The following CEP112 variants were observed in gnomAD, a reference collection of about 807,000 sequenced individuals.
CEP112 encodes the protein centrosomal protein 112.
A neutral mutation model predicts 153.0 loss-of-function variants in CEP112; 127 were observed. The ratio of observed to expected loss-of-function variants is 0.83; its 90% CI spans 0.72 to 0.96. The LOEUF (loss-of-function observed/expected upper bound fraction) is 0.96, where lower values mean the gene tolerates loss of function less well. Among genes scored for constraint, CEP112 ranks in the 40% least tolerant of loss-of-function variants. CEP112 has a pLI of 0.00. For missense variants in CEP112, 1,089 were observed against 1,101.2 expected (o/e 0.99, Z 0.16); for synonymous variants, 358 against 374.4 (o/e 0.96, Z 0.51).
chr17:66,039,503 G>A (rs1323467382), intron 12 of CEP112, among the ~76,000 whole-genome samples: 2 of 152,086 alleles, frequency 1.3e-5, no homozygotes, highest in Non-Finnish European at 2.9e-5. Context: ...ATTTTCATAA[G>A]AAGTTTGTGT....
chr17:65,637,749 G>C (rs970546950), intron 25 of CEP112, among the ~76,000 whole-genome samples: 7 of 152,164 alleles, frequency 4.6e-5, no homozygotes, highest in Admixed American at 1.3e-4. Context: ...CCCTAAACCT[G>C]AGAGCTTCTC....
chr17:65,987,667 C>T (rs183528968), intron 17 of CEP112, among the ~76,000 whole-genome samples: 52 of 133,492 alleles, frequency 3.9e-4, no homozygotes, highest in East Asian at 3.7e-3. Context: ...AGATTATCAC[C>T]AGCAATATCA....
chr17:66,011,632 C>T (rs1236395216), intron 16 of CEP112, among the ~76,000 whole-genome samples: 2 of 151,672 alleles, frequency 1.3e-5, no homozygotes, highest in African/African-American at 2.4e-5. Context: ...GTTTTGTGTC[C>T]AATTGTGTGC....
intron 20 of CEP112, among the ~76,000 whole-genome samples, chr17:65,890,231 G>A (rs2059416524): frequency 6.6e-6 from 1 of 152,152 alleles, no homozygotes; most frequent in Non-Finnish European, 1.5e-5. Context: ...GTGGAGGAAT[G>A]GTAGAGGCAT....
chr17:66,011,077 C>T (rs916229155), intron 16 of CEP112, among the ~76,000 whole-genome samples: 10 of 151,984 alleles, frequency 6.6e-5, no homozygotes, highest in Admixed American at 1.3e-4. Context: ...GGCTGTGGAT[C>T]CCTCTGGTCC....
intron 21 of CEP112, among the ~76,000 whole-genome samples, chr17:65,832,226 T>G (rs1341569860): frequency 6.6e-6 from 1 of 151,904 alleles, no homozygotes; most frequent in African/African-American, 2.4e-5. Flanking sequence ...GCACTAAATA[T>G]CCACATCAAA....
At chr17:65,690,113 C>CAAAAAAAAAAAAAAA (rs67399289) in intron 23 of CEP112, among the ~76,000 whole-genome samples, 2 of 62,578 alleles carry the variant, frequency 3.2e-5, no homozygotes, top group Non-Finnish European at 5.9e-5. Flanking sequence ...GAAAACAGAC[C>CAAAAAAAAAAAAAAA]AAAAAAAAAA....
intron 21 of CEP112, among the ~76,000 whole-genome samples, chr17:65,818,496 G>T (rs977703217): frequency 6.6e-6 from 1 of 151,790 alleles, no homozygotes; most frequent in Non-Finnish European, 1.5e-5. Context: ...TCCAGTGAAT[G>T]ATCATCAGAA....
intron 6 of CEP112, among the ~76,000 whole-genome samples, chr17:66,114,482 C>T (rs2069194585): frequency 6.6e-6 from 1 of 152,084 alleles, no homozygotes; most frequent in South Asian, 2.1e-4. Context: ...CATTGTCAAG[C>T]AATATATTAC....
intron 24 of CEP112, among the ~76,000 whole-genome samples, chr17:65,650,800 A>G (rs976835384): frequency 6.6e-6 from 1 of 151,020 alleles, no homozygotes; most frequent in African/African-American, 2.4e-5. Context: ...CCAGCTACTC[A>G]GGGAGGCTGA....
chr17:65,740,722 T>A (rs1236274660), intron 23 of CEP112, among the ~76,000 whole-genome samples: 1 of 152,172 alleles, frequency 6.6e-6, no homozygotes, highest in Non-Finnish European at 1.5e-5. Context: ...ATGGCATTAT[T>A]GAATATATCT....
chr17:66,158,472 C>T lies in CEP112; in HGVS notation c.470+16572G>A, dbSNP rs149463428. ...CTAAAAATACAAAAAATGAGCCGGG[C>T]GTGGTGGTGGGCGCCTGTAGTCCCA... On this transcript the variant is annotated intron_variant, in intron 4 of 26. Coordinates refer to ENST00000535342, the MANE Select transcript of CEP112 (RefSeq NM_001199165.4). Among the ~76,000 whole-genome samples the T allele has an allele frequency of 9.5e-3, 1,442 of 151,976 alleles. 24 individuals carry two copies. Among genetic ancestry groups the T allele is most frequent in the African/African-American group, 0.032 (1,342 of 41,444 alleles).
intron 8 of CEP112, among the ~76,000 whole-genome samples, chr17:66,092,717 C>T (rs2068189853): frequency 6.6e-6 from 1 of 152,126 alleles, no homozygotes; most frequent in South Asian, 2.1e-4. Context: ...GATACTTTAA[C>T]ATATGCAAAT....
intron 21 of CEP112, among the ~76,000 whole-genome samples, chr17:65,786,572 C>CTTTTT (rs1195368604): frequency 1.2e-4 from 12 of 101,594 alleles, no homozygotes; most frequent in African/African-American, 1.5e-4. Context: ...TTAGCCAATT[C>CTTTTT]TTTTTTTTTT....
Position 66,102,535 on chromosome 17 carries a change from C to T in CEP112, c.643-5903G>A, listed in dbSNP as rs180722696. 9.8e-4 allele frequency among the ~76,000 whole-genome samples: 149 copies of T among 152,160 alleles called. 1 individual carries two copies. The highest frequency in any genetic ancestry group is 1.8e-4 in the Non-Finnish European group (12 of 68,010). On this transcript the variant is annotated intron_variant, in intron 6 of 26. Coordinates refer to ENST00000535342, the MANE Select transcript of CEP112 (RefSeq NM_001199165.4). ...AATTCAGGCCAGGCATGGTGGCTCACGCCTGTAATCCCAGAACTTTGGGAG... is the reference window on the plus strand; with the variant it reads ...AATTCAGGCCAGGCATGGTGGCTCATGCCTGTAATCCCAGAACTTTGGGAG...
At chr17:65,818,279 T>C (rs2056371742) in intron 21 of CEP112, among the ~76,000 whole-genome samples, 2 of 151,866 alleles carry the variant, frequency 1.3e-5, no homozygotes, top group Non-Finnish European at 2.9e-5. Context: ...TTTACCTAAC[T>C]ACCATGAAAA....
At chr17:65,988,857 T>A (rs2063492551) in intron 17 of CEP112, among the ~76,000 whole-genome samples, 1 of 152,066 alleles carries the variant, frequency 6.6e-6, no homozygotes, top group African/African-American at 2.4e-5. Flanking sequence ...AGAAAGCTTA[T>A]TCACAGAAAT....
intron 24 of CEP112, among the ~76,000 whole-genome samples, chr17:65,680,126 C>T (rs542313054): frequency 4.6e-5 from 7 of 152,184 alleles, no homozygotes; most frequent in South Asian, 4.2e-4. Flanking sequence ...GTGGGTGCCA[C>T]GGGCAGGGCA....
chr17:66,067,185 A>T lies in CEP112; in HGVS notation c.856-308T>A, dbSNP rs554783869. Among the ~76,000 whole-genome samples the T allele has an allele frequency of 2.6e-5, 4 of 152,278 alleles. No homozygotes were observed. The East Asian group carries it at 7.7e-4, about 29-fold the overall frequency. On this transcript the variant is annotated intron_variant, in intron 9 of 26. Coordinates refer to ENST00000535342, the MANE Select transcript of CEP112 (RefSeq NM_001199165.4). ...ACGTTTTGCTCTTGCAGCAGCTAGG[A>T]GGTAGAATCTATATGATCTGCCACA...
Sources: gnomAD v4.1 joint callset for allele counts (sites outside exome capture counted in the v4.1 genomes callset) on GRCh38, gnomAD v4.1.1 for gene constraint, MANE v1.5 for transcripts, NCBI Gene and HGNC (gene_info 2026-07-23, HGNC 2026-07-21) for gene names.